GPC5: variants seen among roughly 807,000 people sequenced by gnomAD.
The protein encoded by GPC5 is glypican-5.
GPC5 carries 47 observed loss-of-function variants against 53.9 expected under a neutral mutation model. The ratio of observed to expected loss-of-function variants is 0.87; its 90% CI spans 0.69 to 1.11. GPC5 has a LOEUF of 1.11. Among genes scored for constraint, GPC5 ranks in the 50% most tolerant of loss-of-function variants. GPC5 has a pLI of 0.00. For synonymous variants in GPC5, 286 were observed against 263.3 expected (o/e 1.09, Z -0.84); for missense variants, 748 against 713.1 (o/e 1.05, Z -0.56).
chr13:91,971,752 A>C (rs544164597), intron 6 of GPC5, among the ~76,000 whole-genome samples: 214 of 152,226 alleles, frequency 1.4e-3, no homozygotes, highest in Non-Finnish European at 2.2e-3. Context: ...GCATGTTGTT[A>C]AGTTTCCATG....
At chr13:92,214,007 T>A (rs1385057555) in intron 7 of GPC5, among the ~76,000 whole-genome samples, 3 of 152,212 alleles carry the variant, frequency 2.0e-5, no homozygotes, top group African/African-American at 7.2e-5. Context: ...ATTCTCTTCT[T>A]TTCAAGAGCC....
At chr13:91,530,156 A>G (rs950291717) in intron 2 of GPC5, among the ~76,000 whole-genome samples, 3 of 152,206 alleles carry the variant, frequency 2.0e-5, no homozygotes, top group Non-Finnish European at 4.4e-5. Flanking sequence ...TTCAACATAC[A>G]TGGAGAGGAT....
At chr13:91,817,430 A>G (rs2038417283) in intron 5 of GPC5, among the ~76,000 whole-genome samples, 2 of 152,320 alleles carry the variant, frequency 1.3e-5, no homozygotes, top group South Asian at 4.1e-4. Flanking sequence ...ATGTCTGTAG[A>G]TGGCATCCTT....
chr13:92,851,675 A>T (rs1878804650), intron 7 of GPC5, among the ~76,000 whole-genome samples: 2 of 151,522 alleles, frequency 1.3e-5, no homozygotes, highest in African/African-American at 4.9e-5. Flanking sequence ...AGATCAGGAG[A>T]TTGAGACCAT....
At chr13:91,483,529 T>C (rs1883417574) in intron 2 of GPC5, among the ~76,000 whole-genome samples, 1 of 152,226 alleles carries the variant, frequency 6.6e-6, no homozygotes, top group Non-Finnish European at 1.5e-5. Context: ...GGTAATTAAA[T>C]GCTGCCTCCT....
intron 7 of GPC5, among the ~76,000 whole-genome samples, chr13:92,676,130 T>C (rs1053539389): frequency 6.6e-6 from 1 of 152,158 alleles, no homozygotes; most frequent in African/African-American, 2.4e-5. Context: ...ATATCAAACA[T>C]GAGTAAATTT....
chr13:92,606,912 G>A (rs900235681), intron 7 of GPC5, among the ~76,000 whole-genome samples: 11 of 151,932 alleles, frequency 7.2e-5, no homozygotes, highest in Non-Finnish European at 1.5e-4. Flanking sequence ...CTCCACATGC[G>A]CTTTGCCCCA....
chr13:92,669,932 A>G (rs12583136), intron 7 of GPC5, among the ~76,000 whole-genome samples: 33,664 of 152,132 alleles, frequency 0.22, 4,395 homozygotes, highest in South Asian at 0.36. Context: ...GATCTTTGTT[A>G]TTTGCCGTCA....
rs200265764 is a variant in GPC5, at chr13:92,699,811, G to A, written c.1562-166471G>A. ...TGATAGACAGTTTGTTATGATTTCCGTTCTTTTGCATTTGCTGAGAAGTGT... is the reference window on the plus strand; with the variant it reads ...TGATAGACAGTTTGTTATGATTTCCATTCTTTTGCATTTGCTGAGAAGTGT... On this transcript the variant is annotated intron_variant, in intron 7 of 7. Coordinates refer to ENST00000377067, the MANE Select transcript of GPC5 (RefSeq NM_004466.6). Among the ~76,000 whole-genome samples the A allele has an allele frequency of 4.5e-4, 68 of 152,220 alleles. No individual in the cohort carries two copies. The South Asian group carries it at 7.1e-3, about 16-fold the overall frequency.
intron 7 of GPC5, among the ~76,000 whole-genome samples, chr13:92,326,047 G>A (rs758802516): frequency 7.2e-5 from 11 of 151,976 alleles, no homozygotes; most frequent in African/African-American, 1.4e-4. Flanking sequence ...CAGTTTGATC[G>A]GGAATCCTTG....
At chr13:92,576,627 A>G (rs1366092227) in intron 7 of GPC5, among the ~76,000 whole-genome samples, 1 of 152,194 alleles carries the variant, frequency 6.6e-6, no homozygotes, top group African/African-American at 2.4e-5. Context: ...CAAGTAAAAT[A>G]TAATTTAATG....
intron 7 of GPC5, among the ~76,000 whole-genome samples, chr13:92,613,316 A>T (rs1256349751): frequency 9.5e-6 from 1 of 104,760 alleles, no homozygotes; most frequent in Admixed American, 1.4e-4. Flanking sequence ...AATGTATATA[A>T]TAAATATTTA....
chr13:92,098,242 T>C (rs1451168258), intron 6 of GPC5, among the ~76,000 whole-genome samples: 1 of 152,158 alleles, frequency 6.6e-6, no homozygotes, highest in Non-Finnish European at 1.5e-5. Context: ...CTCCCACTTA[T>C]AAGTGAGAGC....
In GPC5 at chr13:91,403,167, T is replaced by C. The variant is rs1046730016; in HGVS notation, c.163+3958T>C. 2.6e-5 allele frequency among the ~76,000 whole-genome samples: 4 copies of C among 152,356 alleles called. No homozygotes were observed. In the South Asian group the frequency reaches 8.3e-4, roughly 32 times the overall value. ...GGGGATCAAATTTCCAAAGCCAGAA[T>C]TGGGACCCGTCGTCTGACATTGGGG... is the stretch of plus-strand genomic sequence containing the variant. On this transcript the variant is annotated intron_variant, in intron 1 of 7. Coordinates refer to ENST00000377067, the MANE Select transcript of GPC5 (RefSeq NM_004466.6).
intron 4 of GPC5, among the ~76,000 whole-genome samples, chr13:91,731,092 A>G (rs2036687295): frequency 6.6e-6 from 1 of 152,246 alleles, no homozygotes; most frequent in Admixed American, 6.5e-5. Flanking sequence ...CTAACAGTGA[A>G]GGGGTCCTTG....
chr13:92,192,009 G>A (rs985549580), intron 7 of GPC5, among the ~76,000 whole-genome samples: 1 of 152,158 alleles, frequency 6.6e-6, no homozygotes, highest in African/African-American at 2.4e-5. Context: ...ATTAGGGACT[G>A]TCTGTATATA....
chr13:91,579,968 T>C (rs140809767), intron 2 of GPC5, among the ~76,000 whole-genome samples: 197 of 152,300 alleles, frequency 1.3e-3, no homozygotes, highest in African/African-American at 4.5e-3. Flanking sequence ...TTTAATTCTT[T>C]CAAGTAACTT....
chr13:92,448,135 T>A (rs968461638), intron 7 of GPC5: 1 of 152,256 alleles, frequency 6.6e-6, no homozygotes, highest in African/African-American at 2.4e-5. Context: ...CTCTCAGTTC[T>A]ACTTTAAAGG....
At chr13:92,133,960 C>A (rs189684041) in intron 6 of GPC5, among the ~76,000 whole-genome samples, 2 of 151,954 alleles carry the variant, frequency 1.3e-5, no homozygotes, top group Admixed American at 6.6e-5. Flanking sequence ...AGTTGAGGGA[C>A]GAAAACTATT....
Sources: allele counts gnomAD v4.1 joint callset (sites outside exome capture counted in the v4.1 genomes callset), GRCh38; gene constraint gnomAD v4.1.1; transcripts MANE v1.5; gene names NCBI Gene and HGNC (gene_info 2026-07-23, HGNC 2026-07-21).